Variants in STXBP6 observed in about 807,000 individuals in gnomAD.
The protein encoded by STXBP6 is syntaxin-binding protein 6.
A neutral mutation model predicts 26.9 loss-of-function variants in STXBP6; 21 were observed. That is an observed-to-expected ratio of 0.78 (90% CI 0.55 to 1.12). The LOEUF (loss-of-function observed/expected upper bound fraction) is 1.12, where lower values mean the gene tolerates loss of function less well. Ranked by LOEUF, STXBP6 falls within the 50% of genes most tolerant of loss-of-function variation. The pLI is 0.00. For synonymous variants in STXBP6, 97 were observed against 92.6 expected, an observed-to-expected ratio of 1.05 and a Z score of -0.27; for missense variants, 232 against 257.9, an observed-to-expected ratio of 0.90 and a Z score of 0.69.
chr14:25,009,507 T>C (rs1019459888), intron 1 of STXBP6, among the ~76,000 whole-genome samples: 1 of 152,194 alleles, frequency 6.6e-6, no homozygotes, highest in Non-Finnish European at 1.5e-5. Flanking sequence ...CAGTATCATG[T>C]AGCGTAATCA....
Position 25,034,255 on chromosome 14 carries a change from C to G in STXBP6, c.-33+15623G>C, listed in dbSNP as rs193238392. 4.7e-4 allele frequency among the ~76,000 whole-genome samples: 72 copies of G among 152,268 alleles called. 1 individual carries two copies. The Middle Eastern group carries it at 0.014, about 29-fold the overall frequency. On this transcript the variant is annotated intron_variant, in intron 1 of 5. Coordinates refer to ENST00000323944, the MANE Select transcript of STXBP6 (RefSeq NM_001394410.1). The stretch of plus-strand genomic sequence containing the variant: ...AGGTAAACTTGACCCCTAACACCCC[C>G]ACACAAGAACCATATCCCTCTGTGG...
chr14:25,016,356 T>C (rs2075147115), intron 1 of STXBP6, among the ~76,000 whole-genome samples: 2 of 152,182 alleles, frequency 1.3e-5, no homozygotes, highest in Admixed American at 1.3e-4. Flanking sequence ...GTTAGCTTCC[T>C]CTTTACTTTG....
intron 2 of STXBP6, among the ~76,000 whole-genome samples, chr14:24,902,114 G>T (rs917796514): frequency 2.6e-5 from 4 of 152,068 alleles, no homozygotes; most frequent in African/African-American, 7.2e-5. Context: ...AAAATTTTAA[G>T]AAATGTAAGA....
chr14:24,906,867 C>G (rs2071402074), intron 2 of STXBP6, among the ~76,000 whole-genome samples: 1 of 151,932 alleles, frequency 6.6e-6, no homozygotes, highest in African/African-American at 2.4e-5. Context: ...AGAAACTACT[C>G]AATGAACAAT....
At chr14:24,886,159 G>A (rs1188215563) in intron 2 of STXBP6, among the ~76,000 whole-genome samples, 1 of 151,980 alleles carries the variant, frequency 6.6e-6, no homozygotes, top group Non-Finnish European at 1.5e-5. Flanking sequence ...TGCCCCAATC[G>A]CTTTGAGTTC....
chr14:25,024,031 C>T (rs1228089398), intron 1 of STXBP6, among the ~76,000 whole-genome samples: 2 of 152,052 alleles, frequency 1.3e-5, no homozygotes, highest in Non-Finnish European at 2.9e-5. Flanking sequence ...ACATCTTGGC[C>T]GGGCGTGGTG....
chr14:24,973,305 C>T (rs947635186), intron 2 of STXBP6, among the ~76,000 whole-genome samples: 4 of 151,874 alleles, frequency 2.6e-5, no homozygotes, highest in East Asian at 1.9e-4. Context: ...TTAACCTAAT[C>T]CTTATTTGGA....
At chr14:25,042,330 T>C (rs2140509259) in intron 1 of STXBP6, among the ~76,000 whole-genome samples, 1 of 152,308 alleles carries the variant, frequency 6.6e-6, no homozygotes, top group South Asian at 2.1e-4. Flanking sequence ...CCGGGATTAG[T>C]GCCAGTCCCA....
intron 1 of STXBP6, among the ~76,000 whole-genome samples, chr14:25,030,853 G>A (rs1409172700): frequency 6.6e-6 from 1 of 151,686 alleles, no homozygotes; most frequent in Non-Finnish European, 1.5e-5. Flanking sequence ...AACTGTTATG[G>A]AAATTGCCTA....
chr14:24,853,470 C>T (rs2069225978), intron 4 of STXBP6, among the ~76,000 whole-genome samples: 1 of 152,108 alleles, frequency 6.6e-6, no homozygotes, highest in African/African-American at 2.4e-5. Context: ...TAATCCAGGA[C>T]TTGTCAATAT....
chr14:24,877,105 T>C (rs1219823244), intron 2 of STXBP6, among the ~76,000 whole-genome samples: 1 of 152,188 alleles, frequency 6.6e-6, no homozygotes, highest in Middle Eastern at 3.2e-3. Context: ...GCTTTATTAA[T>C]ATAGCGTGGT....
At chr14:24,857,216 T>G in intron 2 of STXBP6, 59 bp from the exon 3 acceptor site, 1 of 1,606,954 alleles carries the variant, frequency 6.2e-7, no homozygotes, top group Non-Finnish European at 8.5e-7. Context: ...TGTTTCCACA[T>G]TCAGTGCTGT....
chr14:24,984,758 A>G (rs1566536102), intron 1 of STXBP6, among the ~76,000 whole-genome samples: 1 of 152,204 alleles, frequency 6.6e-6, no homozygotes, highest in Non-Finnish European at 1.5e-5. Context: ...TATTCAAAAA[A>G]TCCTTATTAA....
At chr14:24,862,047 A>G (rs1421060164) in intron 2 of STXBP6, among the ~76,000 whole-genome samples, 1 of 152,138 alleles carries the variant, frequency 6.6e-6, no homozygotes, top group East Asian at 1.9e-4. Context: ...CCTCTGCTGG[A>G]GCGCAGCAGT....
intron 1 of STXBP6, among the ~76,000 whole-genome samples, chr14:25,029,203 C>T (rs141125724): frequency 1.8e-4 from 27 of 152,224 alleles, no homozygotes; most frequent in Admixed American, 5.2e-4. Flanking sequence ...CAAACAGCAT[C>T]ACAAGCTGCA....
Position 24,914,436 on chromosome 14 carries a change from A to G in STXBP6, c.155-57279T>C, listed in dbSNP as rs368414203. 3.7e-4 allele frequency among the ~76,000 whole-genome samples: 57 copies of G among 152,314 alleles called. 2 individuals are homozygous for G. The South Asian group carries it at 0.01, about 27-fold the overall frequency. On this transcript the variant is annotated intron_variant, in intron 2 of 5. Transcript: ENST00000323944. ...TTTCAAAATACTGGCTACTGTAATA[A>G]TTTATTATACTGCCCTTAATTAGTC...
intron 4 of STXBP6, among the ~76,000 whole-genome samples, chr14:24,827,634 C>T (rs1481169537): frequency 6.6e-6 from 1 of 152,180 alleles, no homozygotes; most frequent in African/African-American, 2.4e-5. Context: ...TTATTTCTAG[C>T]CCCTATGGTA....
intron 2 of STXBP6, among the ~76,000 whole-genome samples, chr14:24,862,594 G>A (rs2069579142): frequency 6.6e-6 from 1 of 152,138 alleles, no homozygotes; most frequent in Non-Finnish European, 1.5e-5. Flanking sequence ...AGTATCACTA[G>A]TTCCTAGGTA....
At chr14:25,013,614 A>C (rs2075082714) in intron 1 of STXBP6, among the ~76,000 whole-genome samples, 2 of 152,156 alleles carry the variant, frequency 1.3e-5, no homozygotes, top group East Asian at 3.9e-4. Context: ...CTACCAGTTC[A>C]CAAGAAATAC....
Sources: gnomAD v4.1 joint callset for allele counts (sites outside exome capture counted in the v4.1 genomes callset) on GRCh38, gnomAD v4.1.1 for gene constraint, MANE v1.5 for transcripts, NCBI Gene and HGNC (gene_info 2026-07-23, HGNC 2026-07-21) for gene names.